The following POFUT3 variants were observed in gnomAD, a reference collection of about 807,000 sequenced individuals.
The protein encoded by POFUT3 is protein O-fucosyltransferase 3.
At chr8:33,472,381 A>G in the POFUT3 span, among the ~76,000 whole-genome samples, 1 of 152,208 alleles carries the variant, frequency 6.6e-6, no homozygotes, top group Non-Finnish European at 1.5e-5. Context: ...TTCCCAGAAA[A>G]TGTCATAAAA....
the POFUT3 span, among the ~76,000 whole-genome samples, chr8:33,339,377 C>T: frequency 6.6e-6 from 1 of 151,944 alleles, no homozygotes; most frequent in Non-Finnish European, 1.5e-5. Flanking sequence ...TTAGACATTG[C>T]CCAAATAACA....
At chr8:33,409,172 G>C in the POFUT3 span, among the ~76,000 whole-genome samples, 3 of 151,974 alleles carry the variant, frequency 2.0e-5, no homozygotes, top group Non-Finnish European at 2.9e-5. Flanking sequence ...TCACAATCTC[G>C]GCTCACTGCA....
chr8:33,322,609 T>C, the POFUT3 span, among the ~76,000 whole-genome samples: 1 of 152,016 alleles, frequency 6.6e-6, no homozygotes, highest in Non-Finnish European at 1.5e-5. Flanking sequence ...ATTATATACA[T>C]AGTATAAAAG....
the POFUT3 span, among the ~76,000 whole-genome samples, chr8:33,350,182 T>C: frequency 6.6e-6 from 1 of 152,186 alleles, no homozygotes; most frequent in African/African-American, 2.4e-5. Flanking sequence ...AGATACATAG[T>C]TTGCAAGTAT....
At chr8:33,373,516 T>C in the POFUT3 span, among the ~76,000 whole-genome samples, 1 of 152,158 alleles carries the variant, frequency 6.6e-6, no homozygotes, top group South Asian at 2.1e-4. Context: ...TTGGCTTATT[T>C]CCATGGTCTC....
chr8:33,458,297 G>A, the POFUT3 span, among the ~76,000 whole-genome samples: 20 of 152,270 alleles, frequency 1.3e-4, no homozygotes, highest in East Asian at 2.7e-3. Flanking sequence ...GGAAGCAAGC[G>A]ACTTCATCTG....
the POFUT3 span, among the ~76,000 whole-genome samples, chr8:33,429,602 G>A: frequency 6.6e-6 from 1 of 152,028 alleles, no homozygotes; most frequent in Non-Finnish European, 1.5e-5. Flanking sequence ...GGAGGAAGGG[G>A]AGGAAGAGAC....
At chr8:33,470,342 C>A in the POFUT3 span, among the ~76,000 whole-genome samples, 101 of 151,492 alleles carry the variant, frequency 6.7e-4, 2 homozygotes, top group Non-Finnish European at 1.5e-4. Flanking sequence ...ATCCCTTGAG[C>A]CCTGGAGGTC....
the POFUT3 span, among the ~76,000 whole-genome samples, chr8:33,443,924 G>A: frequency 6.6e-6 from 1 of 151,400 alleles, no homozygotes; most frequent in Non-Finnish European, 1.5e-5. Flanking sequence ...CCAGGAGTTT[G>A]AGACTGGCTT....
At chr8:33,321,547 T>C in the POFUT3 span, among the ~76,000 whole-genome samples, 1,852 of 152,262 alleles carry the variant, frequency 0.012, 35 homozygotes, top group African/African-American at 0.043. Context: ...ATTTGGTCAC[T>C]GGCTTCCCCC....
chr8:33,464,707 G>C, the POFUT3 span, among the ~76,000 whole-genome samples: 1 of 152,138 alleles, frequency 6.6e-6, no homozygotes, highest in Admixed American at 6.6e-5. Context: ...TTCAGCCCAG[G>C]AGATTGAGGC....
the POFUT3 span, among the ~76,000 whole-genome samples, chr8:33,468,960 A>G: frequency 6.6e-6 from 1 of 152,252 alleles, no homozygotes. Flanking sequence ...GAAAGTTTTT[A>G]GAAGAAATGT....
the POFUT3 span, among the ~76,000 whole-genome samples, chr8:33,339,284 T>A: frequency 6.6e-6 from 1 of 152,214 alleles, no homozygotes; most frequent in East Asian, 1.9e-4. Flanking sequence ...CATACAACCG[T>A]GAGTATAAAA....
the POFUT3 span, chr8:33,389,895 T>A: frequency 1.2e-6 from 1 of 850,520 alleles, no homozygotes; most frequent in Non-Finnish European, 1.8e-6. Flanking sequence ...AGTCTGAGGC[T>A]ATGAATAAGA....
the POFUT3 span, among the ~76,000 whole-genome samples, chr8:33,316,582 AAG>A: frequency 2.0e-5 from 3 of 151,462 alleles, no homozygotes; most frequent in African/African-American, 7.3e-5. Flanking sequence ...AAAAGAAAGA[AAG>A]AAAGAAAGAA....
chr8:33,433,786 G>A, the POFUT3 span, among the ~76,000 whole-genome samples: 18 of 138,458 alleles, frequency 1.3e-4, no homozygotes, highest in Non-Finnish European at 2.2e-4. Flanking sequence ...TCAGTCTCGG[G>A]AAAAAAAAAA....
chr8:33,410,953 G>A, the POFUT3 span, among the ~76,000 whole-genome samples: 1 of 152,082 alleles, frequency 6.6e-6, no homozygotes, highest in Admixed American at 6.6e-5. Flanking sequence ...ACCCCTAACA[G>A]CCACTCACTC....
the POFUT3 span, among the ~76,000 whole-genome samples, chr8:33,373,301 T>A: frequency 1.3e-5 from 2 of 151,944 alleles, no homozygotes; most frequent in South Asian, 4.1e-4. Context: ...GTATGTCTCA[T>A]TTGTTTGCTA....
the POFUT3 span, among the ~76,000 whole-genome samples, chr8:33,417,344 CAG>C: frequency 3.3e-4 from 51 of 152,248 alleles, no homozygotes; most frequent in East Asian, 9.5e-3. Context: ...GTAATAATAA[CAG>C]ATATAAAGTG....
Sources: gnomAD v4.1 joint callset for allele counts (sites outside exome capture counted in the v4.1 genomes callset) on GRCh38, gnomAD v4.1.1 for gene constraint, MANE v1.5 for transcripts, NCBI Gene and HGNC (gene_info 2026-07-23, HGNC 2026-07-21) for gene names.